IDS: variants seen among roughly 807,000 people sequenced by gnomAD.
IDS encodes alpha-L-iduronate sulfate sulfatase.
Under a neutral mutation model 33.5 loss-of-function variants are expected in IDS, and 1 was observed. The observed-to-expected ratio is 0.03, with a 90% CI of 0.01 to 0.14. IDS has a LOEUF of 0.14. Ranked by LOEUF, IDS falls within the 10% of genes least tolerant of loss-of-function variation. The pLI is 1.00. For missense variants in IDS, 328 were observed against 448.0 expected, an observed-to-expected ratio of 0.73 and a Z score of 2.42; for synonymous variants, 191 against 184.4, an observed-to-expected ratio of 1.04 and a Z score of -0.29.
intron 3 of IDS, among the ~76,000 whole-genome samples, chrX:149,501,656 G>C (rs1243009171): frequency 9.0e-6 from 1 of 111,489 alleles, no homozygotes; most frequent in African/African-American, 3.3e-5. Flanking sequence ...GGTGAGGACT[G>C]GCAGGGAGGA....
chrX:149,502,726 A>T, intron 3 of IDS: 1 of 134,052 alleles, frequency 7.5e-6, no homozygotes, highest in African/African-American at 3.1e-5. Context: ...TTTGCTTTTC[A>T]CTATCCCCAT....
chrX:149,499,540 C>T (rs782692957), intron 4 of IDS, among the ~76,000 whole-genome samples: 1 of 110,639 alleles, frequency 9.0e-6, no homozygotes, highest in East Asian at 2.8e-4. Flanking sequence ...TGTTGTCCCA[C>T]GCTGGGTGCT....
chrX:149,487,370 A>G, intron 7 of IDS: 1 of 880,765 alleles, frequency 1.1e-6, no homozygotes, highest in Non-Finnish European at 1.7e-6. Flanking sequence ...ACAAACTACT[A>G]GCAACATATA....
chrX:149,498,195 T>C lies in IDS; in HGVS notation c.620A>G (p.Gln207Arg), dbSNP rs782220266. The C allele has an allele frequency of 2.5e-6, 3 of 1,211,525 alleles. No homozygotes were observed. The Admixed American group carries it at 6.5e-5, about 26-fold the overall frequency. Residue 207 changes from glutamine (Q) to arginine (R), a missense_variant, in exon 5 of 9, where the codon CAG (glutamine) becomes CGG (arginine). Transcript: ENST00000340855. Reference sequence around the variant, plus strand: ...TGACGTTTTCATCTTTTCCAACAACTGTATGGCTTGCTCAGTGCTCTGTTT... The same window carrying C: ...TGACGTTTTCATCTTTTCCAACAACCGTATGGCTTGCTCAGTGCTCTGTTT... ...PDKQSTEQAI[Q>R]LLEKMKTSAS...
chrX:149,499,862 A>G (rs2089465776), intron 4 of IDS, among the ~76,000 whole-genome samples: 1 of 111,766 alleles, frequency 8.9e-6, no homozygotes, highest in Admixed American at 9.5e-5. Flanking sequence ...GCACAGAATG[A>G]AACCTCCTGC....
At position 149,505,223 on chromosome X, in the gene IDS, ACCT is replaced by A. The variant is rs1447715270; in HGVS notation, c.-89_-87del. ...AGCAGCCGCCGCCGCAGCCACAGAGACCTCCTCGTCGGGAACCCATGAAGACTG... is the reference window on the plus strand; with the variant it reads ...AGCAGCCGCCGCCGCAGCCACAGAGACCTCGTCGGGAACCCATGAAGACTG... On this transcript the variant is annotated 5_prime_UTR_variant, in exon 1 of 9. Coordinates refer to ENST00000340855, the MANE Select transcript of IDS (RefSeq NM_000202.8). 1 of 650,117 alleles carries A rather than the reference ACCT, an allele frequency of 1.5e-6. No individual in the cohort carries two copies. The highest frequency in any genetic ancestry group is 2.3e-6 in the Non-Finnish European group (1 of 437,825). 53.6% of individuals were successfully genotyped at this position (650,117 alleles called of 1,213,427 possible).
intron 7 of IDS, 81 bp downstream of exon 7, chrX:149,490,233 A>C: frequency 9.6e-7 from 1 of 1,044,755 alleles, no homozygotes; most frequent in Non-Finnish European, 1.3e-6. Context: ...ACCCATGTTT[A>C]TGTCAATGGC....
chrX:149,498,281 G>A lies in IDS; in HGVS notation c.534C>T (p.Leu178=), dbSNP rs2124047211. The A allele has an allele frequency of 8.3e-7, 1 of 1,211,287 alleles. No individual in the cohort carries two copies. Among genetic ancestry groups the A allele is most frequent in the Non-Finnish European group, 1.1e-6 (1 of 894,808 alleles). ...CCACAGGGCAAAGCAGGTTGGCATG[G>A]AGTTCTCCATCTGGCCCTCGACATG... ...TKTCRGPDGE[L]HANLLCPVDV... Residue 178 remains leucine, a synonymous_variant, in exon 5 of 9, where the codon CTC becomes CTT. Coordinates refer to ENST00000340855, the MANE Select transcript of IDS (RefSeq NM_000202.8).
intron 8 of IDS, 92 bp downstream of exon 8, chrX:149,486,833 A>G (rs1203824344): frequency 1.0e-6 from 1 of 986,402 alleles, no homozygotes; most frequent in African/African-American, 1.9e-5. Context: ...GGGTCTGTGT[A>G]ACCCCCAAAG....
At chrX:149,492,762 T>A (rs1390879211) in intron 6 of IDS, among the ~76,000 whole-genome samples, 1 of 110,773 alleles carries the variant, frequency 9.0e-6, no homozygotes, top group Non-Finnish European at 1.9e-5. Flanking sequence ...TCACTACACT[T>A]GCTGAATGAA....
intron 7 of IDS, 156 bp from the exon 8 acceptor site, chrX:149,487,254 G>T: frequency 8.3e-7 from 1 of 1,206,600 alleles, no homozygotes; most frequent in Non-Finnish European, 1.1e-6. Flanking sequence ...ACCACAGAAA[G>T]GGTTATTTCA....
rs2089303537 is a variant in IDS at position 149,482,811 on chromosome X, A to G, written c.1588T>C (p.Leu530=). Residue 530 remains leucine, a synonymous_variant, in exon 9 of 9, where the codon TTG becomes CTG. Coordinates refer to ENST00000340855, the MANE Select transcript of IDS (RefSeq NM_000202.8). The part of the protein sequence containing the change: ...GELYFVDSDP[L]QDHNMYNDSQ... ...TCATTATACATATTGTGATCCTGCA[A>G]TGGGTCAGAATCCACAAAATACAGT... is the stretch of plus-strand genomic sequence containing the variant. 8.3e-7 allele frequency: 1 copy of G among 1,212,016 alleles called. No homozygotes were observed. The highest frequency in any genetic ancestry group is 3.0e-5 in the East Asian group (1 of 33,859).
chrX:149,493,346 A>G (rs2089409360), intron 6 of IDS, among the ~76,000 whole-genome samples: 1 of 112,262 alleles, frequency 8.9e-6, no homozygotes, highest in South Asian at 3.7e-4. Context: ...ACACAGATAG[A>G]TTTTACTGGC....
chrX:149,487,346 A>G, intron 7 of IDS: 1 of 1,063,294 alleles, frequency 9.4e-7, no homozygotes. Context: ...AAATTCCCAA[A>G]CTCAAATATC....
rs28694666 is a variant in IDS, at chrX:149,488,413, A to G, written c.1007-1315T>C. Reference sequence around the variant, plus strand: ...CAGTGTGGCGGGAATCTAAAAGGTCAAGGATCGAGAAGCCTGCAGGATGGC... The same window carrying G: ...CAGTGTGGCGGGAATCTAAAAGGTCGAGGATCGAGAAGCCTGCAGGATGGC... On this transcript the variant is annotated intron_variant, in intron 7 of 8. Coordinates refer to ENST00000340855, the MANE Select transcript of IDS (RefSeq NM_000202.8). 9.6e-3 allele frequency among the ~76,000 whole-genome samples: 1,059 copies of G among 109,870 alleles called. 22 individuals carry two copies. Among genetic ancestry groups the G allele is most frequent in the African/African-American group, 0.03 (888 of 29,730 alleles).
At chrX:149,499,909 A>G (rs924694454) in intron 4 of IDS, among the ~76,000 whole-genome samples, 13 of 110,988 alleles carry the variant, frequency 1.2e-4, no homozygotes, top group Non-Finnish European at 2.5e-4. Context: ...CCGTGAGACC[A>G]AAGTTAGTTC....
intron 3 of IDS, among the ~76,000 whole-genome samples, chrX:149,501,401 AG>A (rs782747143): frequency 8.0e-5 from 9 of 112,249 alleles, no homozygotes; most frequent in African/African-American, 2.9e-4. Flanking sequence ...GGCTCAGGGA[AG>A]GTATGTGACT....
intron 3 of IDS, 34 bp downstream of exon 3, chrX:149,503,278 C>T: frequency 5.0e-6 from 6 of 1,203,325 alleles, no homozygotes; most frequent in Non-Finnish European, 6.7e-6. Flanking sequence ...CACCACAAAC[C>T]AAGAGAACCC....
chrX:149,487,256 G>A (rs955656744), intron 7 of IDS, 158 bp from the exon 8 acceptor site: 10 of 1,207,755 alleles, frequency 8.3e-6, no homozygotes, highest in Non-Finnish European at 1.0e-5. Context: ...CACAGAAAGG[G>A]TTATTTCAAC....
Sources: gnomAD v4.1 joint callset for allele counts (sites outside exome capture counted in the v4.1 genomes callset) on GRCh38, gnomAD v4.1.1 for gene constraint, MANE v1.5 for transcripts, NCBI Gene and HGNC (gene_info 2026-07-23, HGNC 2026-07-21) for gene names.